The following CDKAL1 variants were observed in gnomAD, a reference collection of about 807,000 sequenced individuals.
The protein encoded by CDKAL1 is threonylcarbamoyladenosine tRNA methylthiotransferase.
CDKAL1 carries 32 observed loss-of-function variants against 68.2 expected under a neutral mutation model. The observed-to-expected ratio is 0.47, with a 90% CI of 0.35 to 0.63. The LOEUF is 0.63. Ranked by LOEUF, CDKAL1 falls within the 30% of genes least tolerant of loss-of-function variation. CDKAL1 has a pLI of 0.00. For synonymous variants in CDKAL1, 234 were observed against 244.3 expected (o/e 0.96, Z 0.39); for missense variants, 606 against 696.7 (o/e 0.87, Z 1.47).
chr6:20,729,298 A>C (rs1772797474), intron 5 of CDKAL1, among the ~76,000 whole-genome samples: 1 of 152,168 alleles, frequency 6.6e-6, no homozygotes, highest in African/African-American at 2.4e-5. Context: ...CAGCCTTCCC[A>C]CAGCTGCTGG....
intron 10 of CDKAL1, among the ~76,000 whole-genome samples, chr6:20,964,760 CAG>C (rs538400796): frequency 1.9e-3 from 285 of 152,238 alleles, no homozygotes; most frequent in Non-Finnish European, 3.2e-3. Flanking sequence ...ACCTATGTCT[CAG>C]GGCTACCCAT....
At chr6:20,657,689 T>C (rs1769090059) in intron 5 of CDKAL1, among the ~76,000 whole-genome samples, 1 of 152,176 alleles carries the variant, frequency 6.6e-6, no homozygotes, top group South Asian at 2.1e-4. Flanking sequence ...GACTGAATTA[T>C]TTTGTCGTTT....
In CDKAL1 at chr6:20,716,744, C is replaced by T. The variant is rs555073670; in HGVS notation, c.372-22775C>T. On this transcript the variant is annotated intron_variant, in intron 5 of 15. Coordinates refer to ENST00000274695, the MANE Select transcript of CDKAL1 (RefSeq NM_017774.3). ...GTTGGTTTGTATACTTGATTTGAGG[C>T]ATTTACTAGATACCTGAGTTGATAT... Among the ~76,000 whole-genome samples the T allele has an allele frequency of 2.0e-4, 31 of 151,482 alleles. 2 individuals carry two copies. The South Asian group carries it at 6.1e-3, about 30-fold the overall frequency.
At chr6:21,178,514 T>G (rs1218401770) in intron 13 of CDKAL1, among the ~76,000 whole-genome samples, 4 of 152,188 alleles carry the variant, frequency 2.6e-5, no homozygotes, top group Non-Finnish European at 5.9e-5. Flanking sequence ...TAACATTTAT[T>G]TTTAGTGTTA....
At chr6:21,192,957 C>T (rs1326670551) in intron 13 of CDKAL1, among the ~76,000 whole-genome samples, 1 of 151,976 alleles carries the variant, frequency 6.6e-6, no homozygotes. Context: ...GCTGGGACTA[C>T]AGGTGTGCGC....
intron 6 of CDKAL1, among the ~76,000 whole-genome samples, chr6:20,742,758 G>A (rs550160112): frequency 6.6e-6 from 1 of 151,838 alleles, no homozygotes; most frequent in South Asian, 2.1e-4. Flanking sequence ...CATTTCAGAG[G>A]TGTAATTTAA....
intron 12 of CDKAL1, among the ~76,000 whole-genome samples, chr6:21,102,168 T>G (rs1773607845): frequency 6.6e-6 from 1 of 152,226 alleles, no homozygotes; most frequent in African/African-American, 2.4e-5. Context: ...TGTACCTATA[T>G]TCAGTCTACT....
At chr6:21,174,711 G>A (rs1777513088) in intron 13 of CDKAL1, among the ~76,000 whole-genome samples, 1 of 147,348 alleles carries the variant, frequency 6.8e-6, no homozygotes, top group African/African-American at 2.6e-5. Context: ...ACATTGATAA[G>A]GCCATTTTGG....
chr6:20,905,590 C>T (rs774602192), intron 9 of CDKAL1, among the ~76,000 whole-genome samples: 10 of 152,070 alleles, frequency 6.6e-5, no homozygotes, highest in Non-Finnish European at 1.5e-4. Flanking sequence ...ATCCCAGAAG[C>T]CCAACGAACT....
chr6:20,792,399 G>A (rs562517582), intron 8 of CDKAL1, among the ~76,000 whole-genome samples: 4 of 152,192 alleles, frequency 2.6e-5, no homozygotes, highest in Admixed American at 1.3e-4. Flanking sequence ...GTATATTTTT[G>A]TGGTTCTTTT....
intron 9 of CDKAL1, among the ~76,000 whole-genome samples, chr6:20,850,574 A>C (rs1226518095): frequency 6.6e-6 from 1 of 151,974 alleles, no homozygotes; most frequent in Non-Finnish European, 1.5e-5. Flanking sequence ...AGTAGCTGGG[A>C]CTACAGGTGT....
intron 10 of CDKAL1, among the ~76,000 whole-genome samples, chr6:20,999,385 C>T (rs1039239754): frequency 5.9e-5 from 9 of 151,962 alleles, no homozygotes; most frequent in African/African-American, 2.2e-4. Context: ...TGAATGGTGA[C>T]ATTACAGAAC....
chr6:20,856,377 T>G (rs1371735468), intron 9 of CDKAL1, among the ~76,000 whole-genome samples: 1 of 152,218 alleles, frequency 6.6e-6, no homozygotes, highest in Non-Finnish European at 1.5e-5. Context: ...AACCATACTT[T>G]TTAAGTGGGC....
intron 10 of CDKAL1, among the ~76,000 whole-genome samples, chr6:20,992,650 C>T (rs1458561832): frequency 7.2e-5 from 11 of 152,124 alleles, no homozygotes; most frequent in African/African-American, 1.2e-4. Context: ...GTAATACCAG[C>T]GCTTTGGGAG....
intron 12 of CDKAL1, among the ~76,000 whole-genome samples, chr6:21,094,316 G>T (rs1344535387): frequency 6.6e-6 from 1 of 152,164 alleles, no homozygotes; most frequent in African/African-American, 2.4e-5. Flanking sequence ...AAACTAAAAA[G>T]AGTTGAAGGT....
chr6:20,621,114 A>T (rs148544238), intron 4 of CDKAL1, among the ~76,000 whole-genome samples: 1 of 152,056 alleles, frequency 6.6e-6, no homozygotes, highest in South Asian at 2.1e-4. Flanking sequence ...TTTAAGTACA[A>T]TTGTAATTTG....
chr6:21,093,646 T>C (rs1474897569), intron 12 of CDKAL1, among the ~76,000 whole-genome samples: 4 of 150,602 alleles, frequency 2.7e-5, no homozygotes, highest in African/African-American at 7.3e-5. Flanking sequence ...AGAACTTGGA[T>C]TGAATTGGTC....
chr6:20,581,474 T>C (rs1024333302), intron 4 of CDKAL1, among the ~76,000 whole-genome samples: 16 of 152,200 alleles, frequency 1.1e-4, no homozygotes, highest in Non-Finnish European at 1.9e-4. Flanking sequence ...AAATATAATT[T>C]TTTGGTTAGA....
chr6:20,747,956 T>C (rs2473649), intron 6 of CDKAL1, among the ~76,000 whole-genome samples: 8,543 of 152,268 alleles, frequency 0.056, 275 homozygotes, highest in African/African-American at 0.095. Flanking sequence ...GAGAGAGTTT[T>C]CTCCCAGGAA....
Sources: allele counts gnomAD v4.1 joint callset (sites outside exome capture counted in the v4.1 genomes callset), GRCh38; gene constraint gnomAD v4.1.1; transcripts MANE v1.5; gene names NCBI Gene and HGNC (gene_info 2026-07-23, HGNC 2026-07-21).